Variants in SLCO6A1 observed in about 807,000 individuals in gnomAD.
SLCO6A1 encodes solute carrier organic anion transporter family member 6A1.
In SLCO6A1, 65 loss-of-function variants were observed where a neutral mutation model predicts 72.7. The observed-to-expected ratio is 0.89, with a 90% CI of 0.73 to 1.10. SLCO6A1 has a LOEUF of 1.10. Among genes scored for constraint, SLCO6A1 ranks in the 50% least tolerant of loss-of-function variants. The pLI, the probability that SLCO6A1 is intolerant of heterozygous loss-of-function variation, is 0.00. For missense variants in SLCO6A1, 874 were observed against 872.6 expected, an observed-to-expected ratio of 1.00 and a Z score of -0.02; for synonymous variants, 314 against 298.2, an observed-to-expected ratio of 1.05 and a Z score of -0.55.
At chr5:102,399,376 A>G (rs775621092) in intron 10 of SLCO6A1, among the ~76,000 whole-genome samples, 179 bp downstream of exon 10, 23 of 152,272 alleles carry the variant, frequency 1.5e-4, no homozygotes, top group Non-Finnish European at 2.8e-4. Context: ...CTCTATGCAA[A>G]TAAGTTAGCT....
Position 102,475,810 on chromosome 5 carries a change from G to A in SLCO6A1, c.803-17C>T. On this transcript the variant is annotated splice_polypyrimidine_tract_variant and intron_variant, in intron 3 of 13. Coordinates refer to ENST00000506729, the MANE Select transcript of SLCO6A1 (RefSeq NM_173488.5). ...CTGCAATACCTGTAAAATAAGCACT[G>A]AAACTGAACATCAAACAATTTCATA... The A allele has an allele frequency of 6.5e-7, 1 of 1,535,232 alleles. No individual in the cohort carries two copies. The highest frequency in any genetic ancestry group is 8.9e-7 in the Non-Finnish European group (1 of 1,128,164).
chr5:102,478,301 T>A (rs745646787), intron 2 of SLCO6A1, among the ~76,000 whole-genome samples: 2 of 152,198 alleles, frequency 1.3e-5, no homozygotes, highest in Non-Finnish European at 2.9e-5. Flanking sequence ...CACATAGACA[T>A]AGCACATATT....
intron 12 of SLCO6A1, among the ~76,000 whole-genome samples, chr5:102,377,781 CT>C (rs1745885026): frequency 6.6e-6 from 1 of 151,862 alleles, no homozygotes. Flanking sequence ...AAGTGAGTCT[CT>C]TACCTCAGCT....
At chr5:102,393,006 T>A (rs76053492) in intron 10 of SLCO6A1, among the ~76,000 whole-genome samples, 2,732 of 152,210 alleles carry the variant, frequency 0.018, 79 homozygotes, top group African/African-American at 0.062. Flanking sequence ...ATTTTCAAAA[T>A]GACCTTTTTT....
At chr5:102,382,553 G>C (rs1288492918) in intron 12 of SLCO6A1, among the ~76,000 whole-genome samples, 1 of 151,118 alleles carries the variant, frequency 6.6e-6, no homozygotes, top group Non-Finnish European at 1.5e-5. Context: ...GTACTGCTTG[G>C]AATCTGTAGG....
Position 102,419,926 on chromosome 5 carries a change from T to C in SLCO6A1, c.1372A>G (p.Ile458Val), listed in dbSNP as rs1439828962. Residue 458 changes from isoleucine to valine, a missense_variant, in exon 8 of 14, where the codon ATA becomes GTA. Ile to Val is a conservative substitution (Grantham distance 29). Coordinates refer to ENST00000506729, the MANE Select transcript of SLCO6A1 (RefSeq NM_173488.5). ...EMSCKALMRF[I>V]MVTSVISLIL... is the part of the protein sequence containing the mutation. ...AGTGATATCACAGATGTAACCATTA[T>C]AAATCTCATAAGGGCTTTACAAGAC... The C allele has an allele frequency of 5.0e-6, 8 of 1,609,336 alleles. No homozygotes were observed. Among genetic ancestry groups the C allele is most frequent in the East Asian group, 2.2e-5 (1 of 44,680 alleles).
intron 8 of SLCO6A1, among the ~76,000 whole-genome samples, chr5:102,417,903 C>G (rs1839926): frequency 0.64 from 97,025 of 151,790 alleles, 31,213 homozygotes; most frequent in African/African-American, 0.66. Context: ...GCTGAGGTGG[C>G]AGAATCACTT....
chr5:102,469,490 AT>A (rs1751489237), intron 4 of SLCO6A1, among the ~76,000 whole-genome samples: 1 of 151,956 alleles, frequency 6.6e-6, no homozygotes, highest in South Asian at 2.1e-4. Context: ...AATGCTTGTG[AT>A]TTTTGCACAT....
intron 6 of SLCO6A1, among the ~76,000 whole-genome samples, chr5:102,440,184 T>G (rs947806043): frequency 1.3e-5 from 2 of 152,194 alleles, no homozygotes; most frequent in African/African-American, 2.4e-5. Flanking sequence ...AGCCTTCAGA[T>G]GGTTCCATTC....
chr5:102,414,907 GTAAA>G (rs201675961), intron 8 of SLCO6A1, among the ~76,000 whole-genome samples: 1,503 of 60,158 alleles, frequency 0.025, 15 homozygotes, highest in Non-Finnish European at 0.049. Context: ...AAGTAAGTAA[GTAAA>G]TAAATAAATA....
At chr5:102,490,371 AATT>A (rs1007929465) in intron 1 of SLCO6A1, among the ~76,000 whole-genome samples, 13 of 152,252 alleles carry the variant, frequency 8.5e-5, no homozygotes, top group African/African-American at 2.4e-4. Flanking sequence ...ATGTATGTAC[AATT>A]ATTATATGTC....
intron 6 of SLCO6A1, among the ~76,000 whole-genome samples, chr5:102,441,066 T>C (rs990711066): frequency 1.3e-5 from 2 of 152,216 alleles, no homozygotes; most frequent in Non-Finnish European, 2.9e-5. Context: ...CCATCTATTA[T>C]TGTGGTCTAC....
intron 6 of SLCO6A1, among the ~76,000 whole-genome samples, chr5:102,447,080 A>G (rs546706221): frequency 1.3e-5 from 2 of 152,140 alleles, no homozygotes; most frequent in Non-Finnish European, 2.9e-5. Context: ...CAAAAAGGAT[A>G]TTGAATTTTA....
intron 7 of SLCO6A1, among the ~76,000 whole-genome samples, chr5:102,437,812 T>C (rs903900919): frequency 7.2e-5 from 11 of 152,164 alleles, no homozygotes; most frequent in Non-Finnish European, 1.6e-4. Context: ...AGTCTCTTAC[T>C]ACTACTACTT....
Position 102,490,113 on chromosome 5 carries a change from T to C in SLCO6A1, c.358+8374A>G, listed in dbSNP as rs1428876168. ...GGGTGGAAGGAGGGATGCACAGAGG[T>C]TGGTCAATGAGTACTAAGTTACAGT... On this transcript the variant is annotated intron_variant, in intron 1 of 13. Coordinates refer to ENST00000506729, the MANE Select transcript of SLCO6A1 (RefSeq NM_173488.5). Among the ~76,000 whole-genome samples, 4 of 152,158 alleles carry C rather than the reference T, an allele frequency of 2.6e-5. 1 individual carries two copies. Among genetic ancestry groups the C allele is most frequent in the Middle Eastern group, 6.8e-3 (2 of 294 alleles).
At chr5:102,429,806 T>C (rs1749116491) in intron 7 of SLCO6A1, among the ~76,000 whole-genome samples, 1 of 152,196 alleles carries the variant, frequency 6.6e-6, no homozygotes, top group African/African-American at 2.4e-5. Flanking sequence ...TGGATCCATA[T>C]GAATTTTAAA....
chr5:102,381,124 A>C (rs1311584795), intron 12 of SLCO6A1, among the ~76,000 whole-genome samples: 2 of 151,886 alleles, frequency 1.3e-5, no homozygotes, highest in Non-Finnish European at 2.9e-5. Flanking sequence ...GCAATTTTCA[A>C]GTATACAATA....
rs544994079 is a variant in SLCO6A1, at chr5:102,464,959, T to C, written c.900-5182A>G. On this transcript the variant is annotated intron_variant, in intron 4 of 13. Transcript: ENST00000506729. ...AACTGATGATATCCAACACAATCCATCACTTTTGTACCTCAGAATCTGCTA... is the reference window on the plus strand; with the variant it reads ...AACTGATGATATCCAACACAATCCACCACTTTTGTACCTCAGAATCTGCTA... Among the ~76,000 whole-genome samples the C allele has an allele frequency of 2.0e-5, 3 of 152,106 alleles. No homozygotes were observed. In the South Asian group the frequency reaches 6.2e-4, roughly 32 times the overall value.
intron 4 of SLCO6A1, among the ~76,000 whole-genome samples, chr5:102,466,246 A>C (rs1030593312): frequency 2.6e-5 from 4 of 151,962 alleles, no homozygotes; most frequent in African/African-American, 9.7e-5. Flanking sequence ...CTCATCATTT[A>C]GCTCCCATTT....
Sources: gnomAD v4.1 joint callset for allele counts (sites outside exome capture counted in the v4.1 genomes callset) on GRCh38, gnomAD v4.1.1 for gene constraint, MANE v1.5 for transcripts, NCBI Gene and HGNC (gene_info 2026-07-23, HGNC 2026-07-21) for gene names.